The following RBM27 variants were observed in gnomAD, a reference collection of about 807,000 sequenced individuals.
RBM27 encodes the protein RNA binding motif protein 27, also known as RNA-binding protein 27.
In RBM27, 22 loss-of-function variants were observed where a neutral mutation model predicts 135.3. The observed-to-expected ratio is 0.16, with a 90% CI of 0.12 to 0.23. The LOEUF is 0.23. Ranked by LOEUF, RBM27 falls within the 10% of genes least tolerant of loss-of-function variation. The pLI, the probability that RBM27 is intolerant of heterozygous loss-of-function variation, is 1.00. For missense variants in RBM27, 1,009 were observed against 1,281.0 expected (o/e 0.79, Z 3.24); for synonymous variants, 481 against 442.4 (o/e 1.09, Z -1.10).
At chr5:146,263,733 CCTAAG>C in intron 14 of RBM27, 102 bp downstream of exon 14, 1 of 1,319,904 alleles carries the variant, frequency 7.6e-7, no homozygotes, top group Non-Finnish European at 1.0e-6. Flanking sequence ...TGACAGTTAA[CCTAAG>C]TGTGGCAGGT....
chr5:146,232,725 C>T lies in RBM27; in HGVS notation c.851-725C>T, dbSNP rs577307310. Among the ~76,000 whole-genome samples, 555 of 152,130 alleles carry T rather than the reference C, an allele frequency of 3.6e-3. 3 individuals carry two copies. The highest frequency in any genetic ancestry group is 6.2e-3 in the Non-Finnish European group (419 of 68,002). On this transcript the variant is annotated intron_variant, in intron 6 of 20. Transcript: ENST00000265271. Reference sequence around the variant, plus strand: ...CTGGGACTACAAGCGCGTGCCACCACGCCCAGCTAATTTTTGTATTTTTAG... The same window carrying T: ...CTGGGACTACAAGCGCGTGCCACCATGCCCAGCTAATTTTTGTATTTTTAG...
chr5:146,219,281 C>A (rs1404035374), intron 2 of RBM27, among the ~76,000 whole-genome samples, 178 bp downstream of exon 2: 1 of 151,914 alleles, frequency 6.6e-6, no homozygotes, highest in African/African-American at 2.4e-5. Context: ...TGGTTTTTTC[C>A]CTTTCCTTCT....
chr5:146,210,713 T>C (rs200986485), intron 1 of RBM27, among the ~76,000 whole-genome samples: 11 of 152,094 alleles, frequency 7.2e-5, no homozygotes, highest in African/African-American at 1.9e-4. Flanking sequence ...TTTGGGAGGC[T>C]GAGGCGGGCA....
chr5:146,271,540 C>CGAGGAAGAGGCCGAGGGCGTG lies in RBM27; in HGVS notation c.2865_2885dup (p.Arg958_Gly964dup). The CGAGGAAGAGGCCGAGGGCGTG allele has an allele frequency of 1.9e-6, 3 of 1,613,406 alleles. No individual in the cohort carries two copies. The highest frequency in any genetic ancestry group is 2.5e-6 in the Non-Finnish European group (3 of 1,179,628). On this transcript the variant is annotated inframe_insertion, in exon 19 of 21. Transcript: ENST00000265271. ...AGGAAAGACCATGTCCTCTCAAGGT[C>CGAGGAAGAGGCCGAGGGCGTG]GAGGAAGAGGCCGAGGGCGTGGAGG... is the stretch of plus-strand genomic sequence containing the variant.
intron 19 of RBM27, 127 bp from the exon 20 acceptor site, chr5:146,284,495 G>T (rs1156843789): frequency 2.9e-6 from 2 of 691,102 alleles, no homozygotes; most frequent in East Asian, 5.3e-5. Context: ...TCTCATTGGA[G>T]ATTGTAGATC....
chr5:146,255,379 A>G (rs1758060183), intron 10 of RBM27, among the ~76,000 whole-genome samples: 1 of 152,148 alleles, frequency 6.6e-6, no homozygotes, highest in Non-Finnish European at 1.5e-5. Context: ...TTTTGTTGCT[A>G]GGCACTGTGT....
chr5:146,273,004 T>A (rs1003029754), intron 19 of RBM27, among the ~76,000 whole-genome samples: 34 of 152,334 alleles, frequency 2.2e-4, no homozygotes, highest in African/African-American at 8.2e-4. Flanking sequence ...AGGAACACTA[T>A]ACAAGTGCAG....
chr5:146,227,345 A>G (rs1251896858), intron 3 of RBM27, among the ~76,000 whole-genome samples: 1 of 152,218 alleles, frequency 6.6e-6, no homozygotes, highest in Non-Finnish European at 1.5e-5. Context: ...CCAGTGGAAT[A>G]ATACATCCTC....
In RBM27 at chr5:146,261,813, TG is replaced by T. The variant is rs1235449745; in HGVS notation, c.2190+9del. The T allele has an allele frequency of 6.2e-7, 1 of 1,613,900 alleles. No homozygotes were observed. Among genetic ancestry groups the T allele is most frequent in the East Asian group, 2.2e-5 (1 of 44,876 alleles). On this transcript the variant is annotated splice_region_variant and intron_variant, in intron 13 of 20. Transcript: ENST00000265271. ...GCACGGAGGTATCCAGAAGGTAATCTGGTTCACTGGGAATTAAAGGTCTTTT... is the reference window on the plus strand; with the variant it reads ...GCACGGAGGTATCCAGAAGGTAATCTGTTCACTGGGAATTAAAGGTCTTTT...
chr5:146,237,268 T>C (rs1757205957), intron 7 of RBM27, 30 bp from the exon 8 acceptor site: 1 of 1,613,386 alleles, frequency 6.2e-7, no homozygotes, highest in African/African-American at 1.3e-5. Context: ...ATTAATGCTG[T>C]ACTTTTCACT....
At chr5:146,208,647 T>C (rs1414420692) in intron 1 of RBM27, among the ~76,000 whole-genome samples, 1 of 152,214 alleles carries the variant, frequency 6.6e-6, no homozygotes, top group African/African-American at 2.4e-5. Flanking sequence ...AATTTAGAGA[T>C]GTCATGGTTT....
rs115004982 is a variant in RBM27, at chr5:146,232,526, T to G, written c.851-924T>G. Among the ~76,000 whole-genome samples the G allele has an allele frequency of 3.8e-3, 572 of 152,308 alleles. 2 individuals are homozygous for G. The highest frequency in any genetic ancestry group is 0.013 in the African/African-American group (554 of 41,586). ...CTGGCGTTCATCCTATGTTAAAACA[T>G]AGAGAGCTTTCTCAGTATTTATTTA... On this transcript the variant is annotated intron_variant, in intron 6 of 20. Transcript: ENST00000265271.
chr5:146,251,602 G>C (rs1049546187), intron 8 of RBM27, 109 bp from the exon 9 acceptor site: 1 of 1,048,566 alleles, frequency 9.5e-7, no homozygotes, highest in African/African-American at 1.6e-5. Context: ...TTCTATTCCT[G>C]TTGGTTTAAT....
rs1441286854 is a variant in RBM27 at position 146,263,511 on chromosome 5, A to G, written c.2211A>G (p.Thr737=). ...TGCAGATGATGAGCAAACCACAGACATCAGGTGCATATGTTCTTAACAAAG... is the reference window on the plus strand; with the variant it reads ...TGCAGATGATGAGCAAACCACAGACGTCAGGTGCATATGTTCTTAACAAAG... ...GIQKMMSKPQ[T]SGAYVLNKVP... The change falls in exon 14 of 21, where the codon ACA becomes ACG. Residue 737 remains threonine, a synonymous_variant. Transcript: ENST00000265271. 4 of 1,613,848 alleles carry G rather than the reference A, an allele frequency of 2.5e-6. No homozygotes were observed. In the African/African-American group the frequency reaches 4.0e-5, roughly 16 times the overall value.
chr5:146,272,531 G>C (rs537519287), intron 19 of RBM27, among the ~76,000 whole-genome samples: 22 of 152,184 alleles, frequency 1.4e-4, no homozygotes, highest in African/African-American at 5.3e-4. Context: ...AGACCAGCCT[G>C]GCCAACATGG....
chr5:146,268,650 A>G (rs567993200), intron 15 of RBM27, among the ~76,000 whole-genome samples: 2 of 152,142 alleles, frequency 1.3e-5, no homozygotes, highest in Non-Finnish European at 2.9e-5. Flanking sequence ...TGTCATGATC[A>G]TGGCCCAGTG....
intron 3 of RBM27, 66 bp from the exon 4 acceptor site, chr5:146,228,880 T>A: frequency 7.7e-7 from 1 of 1,298,268 alleles, no homozygotes; most frequent in Non-Finnish European, 1.1e-6. Flanking sequence ...CGTAAAATGT[T>A]GGGATTACAG....
At chr5:146,217,477 T>C in intron 1 of RBM27, among the ~76,000 whole-genome samples, 1 of 136,198 alleles carries the variant, frequency 7.3e-6, no homozygotes, top group African/African-American at 2.8e-5. Flanking sequence ...TTTTTTTTTT[T>C]TTTTTTTTTT....
intron 1 of RBM27, among the ~76,000 whole-genome samples, chr5:146,211,722 C>T (rs187291740): frequency 0.011 from 1,614 of 151,872 alleles, 32 homozygotes; most frequent in African/African-American, 0.037. Flanking sequence ...CTCAGGTAAT[C>T]CGCCCCTGGG....
Sources: gnomAD v4.1 joint callset for allele counts (sites outside exome capture counted in the v4.1 genomes callset) on GRCh38, gnomAD v4.1.1 for gene constraint, MANE v1.5 for transcripts, NCBI Gene and HGNC (gene_info 2026-07-23, HGNC 2026-07-21) for gene names.